The following P4HA1 variants were observed in gnomAD, a reference collection of about 807,000 sequenced individuals.
P4HA1 encodes the protein prolyl 4-hydroxylase subunit alpha-1.
In P4HA1, 24 loss-of-function variants were observed where a neutral mutation model predicts 72.8. That is an observed-to-expected ratio of 0.33 (90% CI 0.24 to 0.46). P4HA1 has a LOEUF of 0.46. Ranked by LOEUF, P4HA1 falls within the 20% of genes least tolerant of loss-of-function variation. The probability of loss-of-function intolerance (pLI) is 1.00; values close to 1 mark genes in which losing one functional copy is unlikely to be tolerated. For synonymous variants in P4HA1, 201 were observed against 218.8 expected (o/e 0.92, Z 0.72); for missense variants, 446 against 640.6 (o/e 0.70, Z 3.28).
At chr10:73,035,439 C>T (rs189046376) in intron 9 of P4HA1, among the ~76,000 whole-genome samples, 4 of 152,186 alleles carry the variant, frequency 2.6e-5, no homozygotes, top group Admixed American at 2.6e-4. Context: ...AGGAGGATTG[C>T]TTGAGCCCAG....
At chr10:73,064,140 T>C (rs1841369711) in intron 5 of P4HA1, among the ~76,000 whole-genome samples, 1 of 152,126 alleles carries the variant, frequency 6.6e-6, no homozygotes, top group Non-Finnish European at 1.5e-5. Flanking sequence ...AAACTAACAC[T>C]AAAGAGTCTT....
chr10:73,055,201 C>T (rs2133103299), intron 5 of P4HA1, among the ~76,000 whole-genome samples: 1 of 152,272 alleles, frequency 6.6e-6, no homozygotes, highest in South Asian at 2.1e-4. Context: ...CCACTGCTTG[C>T]ACTCTGTTAG....
Position 73,091,190 on chromosome 10 carries a change from A to C in P4HA1, c.-33+5576T>G, listed in dbSNP as rs1391125264. 2.6e-5 allele frequency among the ~76,000 whole-genome samples: 4 copies of C among 151,892 alleles called. No individual in the cohort carries two copies. In the East Asian group the frequency reaches 5.8e-4, roughly 22 times the overall value. The stretch of plus-strand genomic sequence containing the variant: ...ACCAAAAAAATAAATAAATAAATAA[A>C]TAAATAAATAAAAAGGAGGAAGGTT... On this transcript the variant is annotated intron_variant, in intron 1 of 14. Transcript: ENST00000394890.
chr10:73,017,718 C>T (rs537300276), intron 10 of P4HA1, among the ~76,000 whole-genome samples: 2 of 152,224 alleles, frequency 1.3e-5, no homozygotes, highest in East Asian at 1.9e-4. Context: ...CAGTTGCTTA[C>T]GACAATGTCC....
intron 6 of P4HA1, among the ~76,000 whole-genome samples, chr10:73,052,024 G>A (rs1458821188): frequency 1.3e-5 from 2 of 152,066 alleles, no homozygotes; most frequent in South Asian, 2.1e-4. Flanking sequence ...CTACTTCTAA[G>A]GGCTGAGTGA....
At chr10:73,014,831 C>CT (rs761513290) in intron 11 of P4HA1, among the ~76,000 whole-genome samples, 1,869 of 139,716 alleles carry the variant, frequency 0.013, 22 homozygotes, top group African/African-American at 0.024. Context: ...TTTCTTTTTT[C>CT]TTTTTTTTTT....
At chr10:73,013,627 G>A (rs1457761102) in intron 12 of P4HA1, among the ~76,000 whole-genome samples, 1 of 151,988 alleles carries the variant, frequency 6.6e-6, no homozygotes, top group Non-Finnish European at 1.5e-5. Flanking sequence ...GCTTTATTTG[G>A]GGTAACTAGA....
intron 14 of P4HA1, 69 bp downstream of exon 14, chr10:73,009,738 A>G: frequency 1.1e-6 from 1 of 879,464 alleles, no homozygotes; most frequent in South Asian, 1.5e-5. Flanking sequence ...TGTTTTTAAG[A>G]CACAGATAAT....
chr10:73,009,952 T>C (rs780400694), intron 13 of P4HA1, 49 bp from the exon 14 acceptor site: 1 of 1,029,692 alleles, frequency 9.7e-7, no homozygotes, highest in South Asian at 1.3e-5. Context: ...TGCCAGGTAA[T>C]TGCTTTCGGT....
intron 1 of P4HA1, among the ~76,000 whole-genome samples, chr10:73,091,003 G>A (rs1021451624): frequency 2.1e-5 from 3 of 146,218 alleles, no homozygotes; most frequent in East Asian, 2.0e-4. Flanking sequence ...AGAGGTTGCC[G>A]TGAACCGAGA....
rs1398569825 is a variant in P4HA1, at chr10:73,094,888, C to T, written c.-33+1878G>A. On this transcript the variant is annotated intron_variant, in intron 1 of 14. Transcript: ENST00000394890. ...ACACATTTTTCAACTGTTTTACCAT[C>T]TAAGTTACCAAAACACAAAATGGCC... Among the ~76,000 whole-genome samples, 7 of 152,258 alleles carry T rather than the reference C, an allele frequency of 4.6e-5. No homozygotes were observed. The East Asian group carries it at 9.6e-4, about 21-fold the overall frequency.
At chr10:73,070,412 C>T (rs1272253913) in intron 4 of P4HA1, among the ~76,000 whole-genome samples, 1 of 152,022 alleles carries the variant, frequency 6.6e-6, no homozygotes, top group African/African-American at 2.4e-5. Flanking sequence ...CAGCCTCAGC[C>T]TCCCAAACTA....
chr10:73,044,517 A>G (rs1407089677), intron 9 of P4HA1, among the ~76,000 whole-genome samples: 6 of 152,182 alleles, frequency 3.9e-5, no homozygotes, highest in Non-Finnish European at 8.8e-5. Context: ...ACATAATGAC[A>G]ATGTTATTTT....
chr10:73,047,031 G>T lies in P4HA1; in HGVS notation c.971C>A (p.Ala324Asp), dbSNP rs1374770581. ...DGNRNPKFIL[A>D]PAKQEDEWDK... ...CCATTCATCCTCCTGTTTAGCTGGA[G>T]CCAGAATAAATTTAGGATTACGGTT... Residue 324 changes from alanine to aspartate, a missense_variant, in exon 8 of 15, where the codon GCT (alanine) becomes GAT (aspartate). By Grantham distance (126) the Ala-to-Asp change is moderately radical. Coordinates refer to ENST00000394890, the MANE Select transcript of P4HA1 (RefSeq NM_001017962.3). The T allele has an allele frequency of 6.2e-7, 1 of 1,613,266 alleles. No homozygotes were observed. Among genetic ancestry groups the T allele is most frequent in the Admixed American group, 1.7e-5 (1 of 60,002 alleles).
intron 5 of P4HA1, among the ~76,000 whole-genome samples, chr10:73,060,583 C>G (rs948364310): frequency 6.6e-6 from 1 of 152,072 alleles, no homozygotes; most frequent in African/African-American, 2.4e-5. Context: ...GAACCTATCT[C>G]TTAAGGGGGG....
intron 7 of P4HA1, among the ~76,000 whole-genome samples, chr10:73,049,619 C>T (rs1840965439): frequency 6.6e-6 from 1 of 152,086 alleles, no homozygotes; most frequent in Non-Finnish European, 1.5e-5. Context: ...CTATTAACAT[C>T]TATAGAACTG....
Position 73,078,068 on chromosome 10 carries a change from C to CAAAAA in P4HA1, c.-32-3158_-32-3154dup, listed in dbSNP as rs61030339. 2.8e-3 allele frequency among the ~76,000 whole-genome samples: 168 copies of CAAAAA among 59,366 alleles called. 1 individual carries two copies. Among genetic ancestry groups the CAAAAA allele is most frequent in the South Asian group, 0.021 (34 of 1,608 alleles). The allele number at this position is 59,366 out of a possible 152,430, so 38.9% of individuals were successfully genotyped here. ...GAATACACAAAATAAGCTTATGTGT[C>CAAAAA]AAAAAAAAAAAAAAAAAAACCTTTA... On this transcript the variant is annotated intron_variant, in intron 1 of 14. Coordinates refer to ENST00000394890, the MANE Select transcript of P4HA1 (RefSeq NM_001017962.3).
At chr10:73,091,219 A>C (rs573976945) in intron 1 of P4HA1, among the ~76,000 whole-genome samples, 1 of 152,248 alleles carries the variant, frequency 6.6e-6, no homozygotes, top group Admixed American at 6.5e-5. Flanking sequence ...GAAGGTTGTC[A>C]GAACCATAGG....
At chr10:73,064,331 T>G (rs1416375186) in intron 5 of P4HA1, among the ~76,000 whole-genome samples, 14 of 151,972 alleles carry the variant, frequency 9.2e-5, no homozygotes, top group Admixed American at 9.2e-4. Context: ...AAAAATTAGC[T>G]GCTTGTGGTG....
Sources: gnomAD v4.1 joint callset for allele counts (sites outside exome capture counted in the v4.1 genomes callset) on GRCh38, gnomAD v4.1.1 for gene constraint, MANE v1.5 for transcripts, NCBI Gene and HGNC (gene_info 2026-07-23, HGNC 2026-07-21) for gene names.